Variants in ANKFN1 observed in about 807,000 individuals in gnomAD.
ANKFN1 encodes ankyrin repeat and fibronectin type-III domain-containing protein 1.
A neutral mutation model predicts 108.7 loss-of-function variants in ANKFN1; 74 were observed. That is an observed-to-expected ratio of 0.68 (90% CI 0.56 to 0.83). ANKFN1 has a LOEUF of 0.83. ANKFN1 is among the 40% of genes least tolerant of loss of function. The pLI, the probability that ANKFN1 is intolerant of heterozygous loss-of-function variation, is 0.00. For synonymous variants in ANKFN1, 547 were observed against 516.2 expected, an observed-to-expected ratio of 1.06 and a Z score of -0.81; for missense variants, 1,505 against 1,382.3, an observed-to-expected ratio of 1.09 and a Z score of -1.41.
At chr17:56,137,703 T>C (rs1907678737) in intron 4 of ANKFN1, among the ~76,000 whole-genome samples, 1 of 152,150 alleles carries the variant, frequency 6.6e-6, no homozygotes, top group Admixed American at 6.5e-5. Flanking sequence ...AATCAAAAGT[T>C]CTGTTTTGGT....
At chr17:56,304,473 C>G (rs1053493760) in intron 3 of ANKFN1, among the ~76,000 whole-genome samples, 1 of 152,072 alleles carries the variant, frequency 6.6e-6, no homozygotes, top group African/African-American at 2.4e-5. Flanking sequence ...GATTTTTGTG[C>G]AAACCAAAGT....
intron 1 of ANKFN1, among the ~76,000 whole-genome samples, chr17:56,170,519 T>C (rs1395841120): frequency 1.3e-5 from 2 of 151,736 alleles, no homozygotes; most frequent in Non-Finnish European, 2.9e-5. Flanking sequence ...TCCCAGCACC[T>C]TGGGAGGCCA....
chr17:56,491,313 C>G (rs753150507), intron 18 of ANKFN1, among the ~76,000 whole-genome samples: 2 of 152,148 alleles, frequency 1.3e-5, no homozygotes, highest in Non-Finnish European at 2.9e-5. Context: ...CCAAATTCAT[C>G]AATGCCCTGG....
chr17:56,075,430 T>C (rs1905170105), intron 4 of ANKFN1, among the ~76,000 whole-genome samples: 1 of 152,124 alleles, frequency 6.6e-6, no homozygotes, highest in African/African-American at 2.4e-5. Context: ...AGAAAATCTG[T>C]TCTCAGCATC....
intron 10 of ANKFN1, among the ~76,000 whole-genome samples, chr17:56,444,367 C>T (rs2049212052): frequency 2.6e-5 from 4 of 152,086 alleles, no homozygotes; most frequent in Admixed American, 6.6e-5. Context: ...CCAAATTTAT[C>T]AGTGGACATT....
At chr17:56,366,596 AC>A (rs1198631704) in intron 6 of ANKFN1, among the ~76,000 whole-genome samples, 2 of 152,158 alleles carry the variant, frequency 1.3e-5, no homozygotes, top group African/African-American at 4.8e-5. Context: ...TTTATGCCAT[AC>A]TTTTAGTATT....
intron 20 of ANKFN1, among the ~76,000 whole-genome samples, chr17:56,509,358 T>G (rs1423137452): frequency 6.6e-6 from 1 of 152,212 alleles, no homozygotes; most frequent in Non-Finnish European, 1.5e-5. Flanking sequence ...CATCCTAGCA[T>G]GTGGCTTCTA....
At chr17:56,116,709 C>T (rs1906303289) in intron 4 of ANKFN1, among the ~76,000 whole-genome samples, 1 of 152,128 alleles carries the variant, frequency 6.6e-6, no homozygotes, top group South Asian at 2.1e-4. Flanking sequence ...AACCTTGAGC[C>T]AAATAAACCT....
intron 4 of ANKFN1, among the ~76,000 whole-genome samples, chr17:56,097,790 C>A (rs1484450433): frequency 6.6e-6 from 1 of 152,212 alleles, no homozygotes; most frequent in East Asian, 1.9e-4. Context: ...GCAAGGTATG[C>A]TGGTTCAGAG....
intron 2 of ANKFN1, chr17:56,215,730 G>C (rs979029681): frequency 4.6e-5 from 7 of 152,218 alleles, no homozygotes; most frequent in Non-Finnish European, 8.8e-5. Flanking sequence ...ATGCTCTGCT[G>C]TCACTGTCTT....
intron 4 of ANKFN1, among the ~76,000 whole-genome samples, chr17:56,055,588 T>C (rs1039582711): frequency 2.0e-5 from 2 of 101,716 alleles, no homozygotes; most frequent in African/African-American, 1.3e-4. Context: ...TATATATATA[T>C]GTATATATAC....
At chr17:56,315,468 G>C (rs1262147211) in intron 3 of ANKFN1, among the ~76,000 whole-genome samples, 3 of 152,296 alleles carry the variant, frequency 2.0e-5, no homozygotes, top group South Asian at 2.1e-4. Context: ...CTAGCTAGCA[G>C]GGCAGCCCAG....
intron 8 of ANKFN1, among the ~76,000 whole-genome samples, chr17:56,401,689 A>G (rs2047771375): frequency 6.6e-6 from 1 of 151,736 alleles, no homozygotes; most frequent in African/African-American, 2.4e-5. Flanking sequence ...CTCTTGTCTG[A>G]TTGCTCTGGC....
intron 4 of ANKFN1, among the ~76,000 whole-genome samples, chr17:56,098,200 G>A (rs183270520): frequency 3.0e-4 from 45 of 152,284 alleles, no homozygotes; most frequent in Non-Finnish European, 1.3e-4. Flanking sequence ...TAGAGAAGGA[G>A]GATGGCCCTA....
At chr17:56,443,182 A>G (rs1055777593) in intron 10 of ANKFN1, among the ~76,000 whole-genome samples, 2 of 152,200 alleles carry the variant, frequency 1.3e-5, no homozygotes, top group Non-Finnish European at 2.9e-5. Context: ...GCCTCTTATC[A>G]TCTGTGTGGC....
chr17:56,344,348 T>C (rs2046040013), intron 4 of ANKFN1, among the ~76,000 whole-genome samples: 1 of 152,048 alleles, frequency 6.6e-6, no homozygotes, highest in South Asian at 2.1e-4. Flanking sequence ...GAGATTTCCT[T>C]AAATGCCTAG....
intron 6 of ANKFN1, among the ~76,000 whole-genome samples, chr17:56,365,542 C>T (rs2046637046): frequency 6.6e-6 from 1 of 152,098 alleles, no homozygotes; most frequent in African/African-American, 2.4e-5. Flanking sequence ...TAGGATCACC[C>T]ATATGTAAGG....
At position 56,389,146 on chromosome 17, in the gene ANKFN1, T is replaced by C. The variant is rs146078091; in HGVS notation, c.910+14432T>C. Among the ~76,000 whole-genome samples, 14 of 152,292 alleles carry C rather than the reference T, an allele frequency of 9.2e-5. No individual in the cohort carries two copies. The East Asian group carries it at 2.3e-3, about 25-fold the overall frequency. ...AGCAACTTTATACCTAATAGCCAAA[T>C]TGGAAATAATCCAGATGTCCTTAAA... On this transcript the variant is annotated intron_variant, in intron 8 of 20. Transcript: ENST00000682825.
intron 3 of ANKFN1, among the ~76,000 whole-genome samples, chr17:56,244,882 A>AT (rs908988451): frequency 2.6e-5 from 4 of 151,798 alleles, no homozygotes; most frequent in Admixed American, 6.6e-5. Context: ...TCAGATGGCC[A>AT]TTTTTTTTGT....
Sources: allele counts gnomAD v4.1 joint callset (sites outside exome capture counted in the v4.1 genomes callset), GRCh38; gene constraint gnomAD v4.1.1; transcripts MANE v1.5; gene names NCBI Gene and HGNC (gene_info 2026-07-23, HGNC 2026-07-21).